ACBD5: variants seen among roughly 807,000 people sequenced by gnomAD.
The protein encoded by ACBD5 is acyl-CoA binding domain containing 5.
A neutral mutation model predicts 71.8 loss-of-function variants in ACBD5; 40 were observed. The observed-to-expected ratio is 0.56, with a 90% CI of 0.43 to 0.72. The LOEUF is 0.72. ACBD5 is among the 30% of genes least tolerant of loss of function. The pLI, the probability that ACBD5 is intolerant of heterozygous loss-of-function variation, is 0.00. For missense variants in ACBD5, 559 were observed against 644.5 expected, an observed-to-expected ratio of 0.87 and a Z score of 1.44; for synonymous variants, 229 against 218.6, an observed-to-expected ratio of 1.05 and a Z score of -0.42.
chr10:27,211,997 CAG>C (rs1182846173), intron 8 of ACBD5, among the ~76,000 whole-genome samples: 4 of 152,004 alleles, frequency 2.6e-5, no homozygotes, highest in Non-Finnish European at 4.4e-5. Context: ...ATTAGAGAAA[CAG>C]AGAGAAGGCC....
At chr10:27,241,986 G>A (rs948163118), upstream of ACBD5, 14 of 452,832 alleles carry the variant, frequency 3.1e-5, no homozygotes, top group Middle Eastern at 6.9e-4. Flanking sequence ...GATGGGTTAG[G>A]AGGGTTACTA....
chr10:27,205,148 C>A (rs757540517), intron 11 of ACBD5, 50 bp downstream of exon 11: 1 of 1,569,782 alleles, frequency 6.4e-7, no homozygotes, highest in Non-Finnish European at 8.7e-7. Flanking sequence ...AAAACAACAA[C>A]AAAAAACATA....
At position 27,219,765 on chromosome 10, in the gene ACBD5, C is replaced by G; in HGVS notation, c.583G>C (p.Glu195Gln). Reference protein sequence around the residue: ...SDSGAESEEEEAQEEVKGAEQ... With the variant: ...SDSGAESEEEQAQEEVKGAEQ... ...GCTCCTTTCACTTCTTCTTGGGCCT[C>G]TTCTTCCTCAGACTCGGCTCCACTG... Residue 195 changes from glutamate to glutamine, a missense_variant, in exon 6 of 13, where the codon GAG (glutamate) becomes CAG (glutamine). Coordinates refer to ENST00000396271, the MANE Select transcript of ACBD5 (RefSeq NM_145698.5). The G allele has an allele frequency of 6.2e-7, 1 of 1,614,134 alleles. No individual in the cohort carries two copies. The highest frequency in any genetic ancestry group is 2.2e-5 in the East Asian group (1 of 44,868).
At chr10:27,225,047 A>G (rs1400374497) in intron 4 of ACBD5, among the ~76,000 whole-genome samples, 1 of 150,180 alleles carries the variant, frequency 6.7e-6, no homozygotes, top group Non-Finnish European at 1.5e-5. Context: ...AAAAGATACC[A>G]GAACTGGCTC....
In ACBD5 at chr10:27,240,655, C is replaced by T. The variant is rs1361351498; in HGVS notation, c.15+19G>A. 1.9e-6 allele frequency: 3 copies of T among 1,551,082 alleles called. No individual in the cohort carries two copies. The highest frequency in any genetic ancestry group is 2.6e-6 in the Non-Finnish European group (3 of 1,146,970). On this transcript the variant is annotated intron_variant, in intron 1 of 12. Coordinates refer to ENST00000396271, the MANE Select transcript of ACBD5 (RefSeq NM_145698.5). This position sits in a 1 kb window ranked among gnomAD's most constrained non-coding sequence, Gnocchi z 4.1. ...CTAAGGCCACGAATCCGGCCCGCGA[C>T]GACAGCAAAACAACTCACCGAGAGG...
At chr10:27,233,568 A>C (rs1366088191) in intron 3 of ACBD5, among the ~76,000 whole-genome samples, 1 of 152,092 alleles carries the variant, frequency 6.6e-6, no homozygotes. Flanking sequence ...AATTTAAAAA[A>C]TTAGCCGGGT....
Position 27,210,851 on chromosome 10 carries a change from T to G in ACBD5, c.1167A>C (p.Gly389=). 1.9e-6 allele frequency: 3 copies of G among 1,614,218 alleles called. No homozygotes were observed. Among genetic ancestry groups the G allele is most frequent in the Non-Finnish European group, 8.5e-7 (1 of 1,180,042 alleles). Residue 389 remains glycine, a synonymous_variant, in exon 9 of 13, where the codon GGA becomes GGC. Coordinates refer to ENST00000396271, the MANE Select transcript of ACBD5 (RefSeq NM_145698.5). ...TAACATTAGAGAATTCGTCAGTTTC[T>G]CCGCCTCGCTTCTCCCGGTGTGGTG... ...SGAPHREKRG[G]ETDEFSNVRR...
At chr10:27,185,536 G>A (rs1431794394) in intron 13 of ACBD5, among the ~76,000 whole-genome samples, 2 of 151,594 alleles carry the variant, frequency 1.3e-5, no homozygotes, top group Non-Finnish European at 2.9e-5. Flanking sequence ...AGGAGGATGA[G>A]GTGGGAGAAT....
At chr10:27,212,221 T>G (rs774658596) in intron 8 of ACBD5, among the ~76,000 whole-genome samples, 10 of 152,132 alleles carry the variant, frequency 6.6e-5, no homozygotes, top group Non-Finnish European at 1.0e-4. Flanking sequence ...GGGCGGCACA[T>G]GCCTGTAGTC....
chr10:27,213,148 G>A (rs1473596658), intron 8 of ACBD5, among the ~76,000 whole-genome samples: 4 of 151,982 alleles, frequency 2.6e-5, no homozygotes, highest in East Asian at 1.9e-4. Context: ...CATAAGGAGC[G>A]TAAACAACTC....
At position 27,240,350 on chromosome 10, in the gene ACBD5, G is replaced by T; in HGVS notation, c.150C>A (p.Ala50=). ...TCGGCAAACTCTGGATCACCTTCAC[G>T]GCCGCCTCAAACCTAGTCTCGTGCA... is the stretch of plus-strand genomic sequence containing the variant. ...RSVHETRFEA[A]VKVIQSLPKN... is the part of the protein sequence containing the mutation. Residue 50 remains alanine, a synonymous_variant, in exon 2 of 13, where the codon GCC becomes GCA. Coordinates refer to ENST00000396271, the MANE Select transcript of ACBD5 (RefSeq NM_145698.5). The surrounding 1 kb of genome is among the most constrained non-coding windows in gnomAD (Gnocchi z 4.1). 6.2e-7 allele frequency: 1 copy of T among 1,613,986 alleles called. No individual in the cohort carries two copies. Among genetic ancestry groups the T allele is most frequent in the Non-Finnish European group, 8.5e-7 (1 of 1,180,002 alleles).
In ACBD5 at chr10:27,183,407, C is replaced by G. The variant is rs181276670; in HGVS notation, c.1494-692G>C. Among the ~76,000 whole-genome samples, 501 of 152,146 alleles carry G rather than the reference C, an allele frequency of 3.3e-3. 2 individuals carry two copies. The highest frequency in any genetic ancestry group is 0.011 in the African/African-American group (476 of 41,516). On this transcript the variant is annotated intron_variant, in intron 13 of 13. Transcript: ENST00000676511. Reference sequence around the variant, plus strand: ...CAAGTGATTCTCCTGCCTCAGCCCCCCAAGTAGCTGGGACTACAGGCATGT... The same window carrying G: ...CAAGTGATTCTCCTGCCTCAGCCCCGCAAGTAGCTGGGACTACAGGCATGT...
intron 5 of ACBD5, chr10:27,220,504 G>A (rs1348030896): frequency 1.3e-5 from 2 of 152,222 alleles, no homozygotes; most frequent in East Asian, 1.9e-4. Context: ...TGTCTAGGGT[G>A]ATCTAAGATT....
At chr10:27,214,303 G>A (rs376859279) in intron 8 of ACBD5, among the ~76,000 whole-genome samples, 1 of 152,042 alleles carries the variant, frequency 6.6e-6, no homozygotes, top group Non-Finnish European at 1.5e-5. Flanking sequence ...TTACCCTGAT[G>A]TGATTATTAC....
chr10:27,223,842 C>T (rs1376548012), intron 4 of ACBD5, among the ~76,000 whole-genome samples: 2 of 151,708 alleles, frequency 1.3e-5, no homozygotes, highest in Non-Finnish European at 2.9e-5. Flanking sequence ...CCTGGGAGGT[C>T]GAGGCTACAG....
chr10:27,241,989 G>A (rs2065553485), upstream of ACBD5: 4 of 452,802 alleles, frequency 8.8e-6, no homozygotes, highest in Non-Finnish European at 1.8e-5. Flanking sequence ...GGGTTAGGAG[G>A]GTTACTAGGA....
intron 8 of ACBD5, among the ~76,000 whole-genome samples, chr10:27,212,276 G>A (rs900596386): frequency 1.3e-5 from 2 of 152,172 alleles, no homozygotes; most frequent in African/African-American, 2.4e-5. Context: ...TTGAACCCAG[G>A]AGGTGGAGGT....
At chr10:27,192,025 A>G (rs1365742995), downstream of ACBD5, among the ~76,000 whole-genome samples, 1 of 152,210 alleles carries the variant, frequency 6.6e-6, no homozygotes, top group Non-Finnish European at 1.5e-5. Flanking sequence ...TCCCCAAAAT[A>G]CAAAAGATTT....
chr10:27,238,967 G>C (rs2138539606), intron 2 of ACBD5, among the ~76,000 whole-genome samples: 1 of 152,338 alleles, frequency 6.6e-6, no homozygotes, highest in South Asian at 2.1e-4. Context: ...GGTGGCCCAG[G>C]AGGGCAGATC....
Sources: gnomAD v4.1 joint callset for allele counts (sites outside exome capture counted in the v4.1 genomes callset) on GRCh38, gnomAD v4.1.1 for gene constraint, Gnocchi (gnomAD v3.1) non-coding constraint, MANE v1.5 for transcripts, NCBI Gene and HGNC (gene_info 2026-07-23, HGNC 2026-07-21) for gene names.